Variants in TENM4 observed in about 807,000 individuals in gnomAD.
TENM4 encodes the protein teneurin-4.
A neutral mutation model predicts 243.3 loss-of-function variants in TENM4; 82 were observed. The observed-to-expected ratio is 0.34, with a 90% CI of 0.28 to 0.40. TENM4 has a LOEUF of 0.40. Among genes scored for constraint, TENM4 ranks in the 10% least tolerant of loss-of-function variants. The probability of loss-of-function intolerance (pLI) is 1.00; values close to 1 mark genes in which losing one functional copy is unlikely to be tolerated. For synonymous variants in TENM4, 1,412 were observed against 1,456.3 expected (o/e 0.97, Z 0.69); for missense variants, 3,138 against 3,673.3 (o/e 0.85, Z 3.77).
chr11:79,051,245 T>C (rs1024114864), intron 6 of TENM4, among the ~76,000 whole-genome samples: 1 of 152,060 alleles, frequency 6.6e-6, no homozygotes, highest in African/African-American at 2.4e-5. Flanking sequence ...ACAACCACAC[T>C]GTGAGAGAGA....
chr11:79,022,866 G>GTGCC (rs1256227672), intron 6 of TENM4, among the ~76,000 whole-genome samples: 1 of 152,154 alleles, frequency 6.6e-6, no homozygotes, highest in Non-Finnish European at 1.5e-5. Flanking sequence ...GCACATAAAT[G>GTGCC]TGCCACTCAC....
At chr11:78,683,297 G>C (rs1858564389) in intron 29 of TENM4, among the ~76,000 whole-genome samples, 2 of 70,566 alleles carry the variant, frequency 2.8e-5, no homozygotes, top group African/African-American at 7.8e-5. Flanking sequence ...GAGCTGTGGT[G>C]GGCTCCACCC....
At chr11:78,944,218 C>T (rs1856964041) in intron 6 of TENM4, among the ~76,000 whole-genome samples, 1 of 152,124 alleles carries the variant, frequency 6.6e-6, no homozygotes, top group Non-Finnish European at 1.5e-5. Flanking sequence ...AGTGAAAATG[C>T]TCAACCTCTG....
chr11:79,325,077 A>G (rs1373801361), intron 1 of TENM4, among the ~76,000 whole-genome samples: 1 of 152,198 alleles, frequency 6.6e-6, no homozygotes, highest in Non-Finnish European at 1.5e-5. Flanking sequence ...ATTCAAATAA[A>G]TTGTTGGAAT....
At chr11:79,037,839 G>A (rs1859426039) in intron 6 of TENM4, among the ~76,000 whole-genome samples, 1 of 152,126 alleles carries the variant, frequency 6.6e-6, no homozygotes, top group Admixed American at 6.5e-5. Context: ...AAACTTTCAT[G>A]AATTTGACCT....
intron 4 of TENM4, chr11:79,096,747 C>CG (rs1861087036): frequency 6.6e-6 from 1 of 152,610 alleles, no homozygotes; most frequent in African/African-American, 2.4e-5. Flanking sequence ...CACTGCCTGA[C>CG]TTTTCTTCTG....
intron 1 of TENM4, among the ~76,000 whole-genome samples, chr11:79,338,641 TC>T (rs1312438381): frequency 2.6e-5 from 4 of 152,090 alleles, no homozygotes; most frequent in Admixed American, 2.6e-4. Flanking sequence ...CCCCAAACTA[TC>T]CTAAATAGAG....
intron 4 of TENM4, among the ~76,000 whole-genome samples, chr11:79,105,412 T>A (rs1478314801): frequency 6.6e-6 from 1 of 152,230 alleles, no homozygotes; most frequent in East Asian, 1.9e-4. Context: ...AGAGTTCACA[T>A]AATTCAAATC....
At chr11:79,337,560 T>C (rs1427792757) in intron 1 of TENM4, among the ~76,000 whole-genome samples, 1 of 152,160 alleles carries the variant, frequency 6.6e-6, no homozygotes, top group Non-Finnish European at 1.5e-5. Context: ...CTAAGAGTTG[T>C]AGGTTATTGA....
intron 3 of TENM4, among the ~76,000 whole-genome samples, chr11:79,152,824 T>C (rs891306720): frequency 6.6e-6 from 1 of 152,232 alleles, no homozygotes; most frequent in South Asian, 2.1e-4. Context: ...ATCCTTTTAG[T>C]GAGCAGGAAG....
intron 3 of TENM4, among the ~76,000 whole-genome samples, chr11:79,154,343 C>T (rs1862562846): frequency 6.6e-6 from 1 of 151,980 alleles, no homozygotes; most frequent in Non-Finnish European, 1.5e-5. Flanking sequence ...CTCACATAAA[C>T]TCATAGAGTG....
At chr11:79,121,488 C>A (rs992892981) in intron 4 of TENM4, among the ~76,000 whole-genome samples, 6 of 152,210 alleles carry the variant, frequency 3.9e-5, no homozygotes, top group Admixed American at 3.3e-4. Flanking sequence ...GGGTTCCCAG[C>A]CAAGTAGCTT....
At chr11:79,049,163 C>CA (rs1381875142) in intron 6 of TENM4, among the ~76,000 whole-genome samples, 2 of 152,170 alleles carry the variant, frequency 1.3e-5, no homozygotes, top group Non-Finnish European at 2.9e-5. Flanking sequence ...GAGCAGCACA[C>CA]AGACAGTCAC....
In TENM4 at chr11:79,413,361, A is replaced by G. The variant is rs552689605; in HGVS notation, c.-321+27148T>C. The stretch of plus-strand genomic sequence containing the variant: ...AAGCTGGCTGTGGACTGCAGGTTTC[A>G]GCTCCTTGGACTCCATAGCCTTTTC... On this transcript the variant is annotated intron_variant, in intron 1 of 33. Coordinates refer to ENST00000278550, the MANE Select transcript of TENM4 (RefSeq NM_001098816.3). 3.3e-5 allele frequency among the ~76,000 whole-genome samples: 5 copies of G among 150,264 alleles called. No homozygotes were observed. In the East Asian group the frequency reaches 9.7e-4, roughly 29 times the overall value.
intron 1 of TENM4, among the ~76,000 whole-genome samples, chr11:79,391,080 G>A (rs1457573877): frequency 6.6e-6 from 1 of 152,108 alleles, no homozygotes; most frequent in Non-Finnish European, 1.5e-5. Flanking sequence ...TGCCAAGCCC[G>A]GCTCTGCCAC....
intron 2 of TENM4, among the ~76,000 whole-genome samples, chr11:79,276,836 A>G (rs2135355580): frequency 6.6e-6 from 1 of 152,202 alleles, no homozygotes; most frequent in South Asian, 2.1e-4. Flanking sequence ...GGAGAAGGAA[A>G]TCACCCAACA....
intron 6 of TENM4, among the ~76,000 whole-genome samples, chr11:78,920,016 C>T (rs1856414119): frequency 6.6e-6 from 1 of 152,152 alleles, no homozygotes; most frequent in African/African-American, 2.4e-5. Flanking sequence ...ATGTCCCCCA[C>T]TAATCTGTGA....
intron 6 of TENM4, among the ~76,000 whole-genome samples, chr11:79,015,204 C>A (rs1275174383): frequency 6.6e-6 from 1 of 152,194 alleles, no homozygotes; most frequent in Non-Finnish European, 1.5e-5. Context: ...AGAAGGTGGG[C>A]ATTGCTTTTT....
intron 26 of TENM4, among the ~76,000 whole-genome samples, chr11:78,709,893 G>A (rs557873599): frequency 2.4e-4 from 36 of 152,306 alleles, no homozygotes; most frequent in Non-Finnish European, 4.4e-4. Flanking sequence ...TCCATCCCAG[G>A]TTCAGAATCG....
Sources: allele counts gnomAD v4.1 joint callset (sites outside exome capture counted in the v4.1 genomes callset), GRCh38; gene constraint gnomAD v4.1.1; transcripts MANE v1.5; gene names NCBI Gene and HGNC (gene_info 2026-07-23, HGNC 2026-07-21).